MACROD2: variants seen among roughly 807,000 people sequenced by gnomAD.
The protein encoded by MACROD2 is mono-ADP ribosylhydrolase 2.
MACROD2 carries 36 observed loss-of-function variants against 70.4 expected under a neutral mutation model. The ratio of observed to expected loss-of-function variants is 0.51; its 90% CI spans 0.39 to 0.68. The LOEUF is 0.68. Among genes scored for constraint, MACROD2 ranks in the 30% least tolerant of loss-of-function variants. The pLI is 0.00. For missense variants in MACROD2, 496 were observed against 538.4 expected (o/e 0.92, Z 0.78); for synonymous variants, 172 against 178.8 (o/e 0.96, Z 0.30).
chr20:15,880,897 C>A (rs966569145), intron 9 of MACROD2, among the ~76,000 whole-genome samples: 9 of 152,058 alleles, frequency 5.9e-5, no homozygotes, highest in Non-Finnish European at 1.3e-4. Context: ...CTTTAACTCA[C>A]TCTTTAAGAC....
At position 15,704,762 on chromosome 20, in the gene MACROD2, A is replaced by T. The variant is rs1182534536; in HGVS notation, c.646-157983A>T. Among the ~76,000 whole-genome samples, 3 of 152,256 alleles carry T rather than the reference A, an allele frequency of 2.0e-5. No homozygotes were observed. In the East Asian group the frequency reaches 5.8e-4, roughly 29 times the overall value. Reference sequence around the variant, plus strand: ...GAGTTGAAAGTAGATGGAAAATAAAAGTAGTGAAGAGAATCATGGCTGTGT... The same window carrying T: ...GAGTTGAAAGTAGATGGAAAATAAATGTAGTGAAGAGAATCATGGCTGTGT... On this transcript the variant is annotated intron_variant, in intron 8 of 17. Transcript: ENST00000684519.
intron 8 of MACROD2, among the ~76,000 whole-genome samples, chr20:15,861,089 G>A (rs1305480241): frequency 5.9e-5 from 9 of 152,146 alleles, no homozygotes; most frequent in African/African-American, 2.2e-4. Flanking sequence ...GTTTGATTAT[G>A]TAAGAATCCA....
chr20:15,547,348 A>T (rs2048038320), intron 8 of MACROD2, among the ~76,000 whole-genome samples: 4 of 152,022 alleles, frequency 2.6e-5, no homozygotes, highest in Admixed American at 2.6e-4. Flanking sequence ...CTTTTGGCGC[A>T]CTCCAAATGT....
At chr20:15,290,882 C>T (rs530717538) in intron 6 of MACROD2, among the ~76,000 whole-genome samples, 40 of 152,210 alleles carry the variant, frequency 2.6e-4, no homozygotes, top group Non-Finnish European at 2.4e-4. Flanking sequence ...CTGGGGCAGA[C>T]GCTGAAGAAA....
chr20:14,531,571 A>T (rs1325170267), intron 4 of MACROD2, among the ~76,000 whole-genome samples: 1 of 152,172 alleles, frequency 6.6e-6, no homozygotes, highest in Non-Finnish European at 1.5e-5. Flanking sequence ...GTTTCAAGTC[A>T]CCAGTTGTGT....
chr20:15,822,796 G>T (rs904200569), intron 8 of MACROD2, among the ~76,000 whole-genome samples: 1 of 152,142 alleles, frequency 6.6e-6, no homozygotes, highest in Non-Finnish European at 1.5e-5. Context: ...TAGAGACTAG[G>T]AAAGGACAGC....
chr20:16,020,624 G>A (rs1043288472), intron 15 of MACROD2, among the ~76,000 whole-genome samples: 1 of 149,800 alleles, frequency 6.7e-6, no homozygotes, highest in Non-Finnish European at 1.5e-5. Flanking sequence ...GGTGCTTATC[G>A]ATGAGGACAT....
intron 5 of MACROD2, among the ~76,000 whole-genome samples, chr20:14,745,996 A>G (rs2071794942): frequency 6.6e-6 from 1 of 152,128 alleles, no homozygotes; most frequent in Admixed American, 6.5e-5. Context: ...ACTTGGCCAG[A>G]TAACCTCTGA....
chr20:15,964,413 G>A (rs1044839202), intron 12 of MACROD2, among the ~76,000 whole-genome samples: 5 of 152,026 alleles, frequency 3.3e-5, no homozygotes, highest in Admixed American at 2.0e-4. Context: ...AGGGTAAGGG[G>A]ACTCTCTGGG....
intron 3 of MACROD2, among the ~76,000 whole-genome samples, chr20:14,263,725 C>T (rs541162075): frequency 6.6e-6 from 1 of 152,006 alleles, no homozygotes; most frequent in East Asian, 1.9e-4. Flanking sequence ...CTTTGGGAGG[C>T]CAAGGTGAGT....
intron 3 of MACROD2, among the ~76,000 whole-genome samples, chr20:14,444,997 C>T (rs951578088): frequency 6.6e-6 from 1 of 152,056 alleles, no homozygotes; most frequent in Non-Finnish European, 1.5e-5. Flanking sequence ...TGTCTCCTTG[C>T]TTCTACTCTT....
rs371318303 is a variant in MACROD2, at chr20:14,992,831, G to T, written c.419-237109G>T. ...AAAATCAGATTTGAAAAGCCTTTTT[G>T]CCTATGATGTTTTAGAGATAATACT... is the stretch of plus-strand genomic sequence containing the variant. On this transcript the variant is annotated intron_variant, in intron 5 of 17. Transcript: ENST00000684519. Among the ~76,000 whole-genome samples the T allele has an allele frequency of 4.8e-4, 72 of 150,440 alleles. No individual in the cohort carries two copies. In the East Asian group the frequency reaches 6.6e-3, roughly 14 times the overall value.
At chr20:15,555,354 C>T (rs557120689) in intron 8 of MACROD2, among the ~76,000 whole-genome samples, 2 of 152,296 alleles carry the variant, frequency 1.3e-5, no homozygotes, top group East Asian at 3.9e-4. Flanking sequence ...TTGAACTTGA[C>T]ATTTTCACTT....
chr20:14,208,930 TG>T (rs1490966879), intron 3 of MACROD2, among the ~76,000 whole-genome samples: 1 of 152,184 alleles, frequency 6.6e-6, no homozygotes, highest in Admixed American at 6.5e-5. Flanking sequence ...GGGAGGGATA[TG>T]GCTCATTTTT....
intron 5 of MACROD2, among the ~76,000 whole-genome samples, chr20:14,906,881 G>T (rs542412996): frequency 1.3e-5 from 2 of 152,242 alleles, no homozygotes; most frequent in South Asian, 4.2e-4. Context: ...TTTTTGGGGT[G>T]CTGAGGTAAA....
chr20:15,318,985 A>C (rs1380148705), intron 6 of MACROD2, among the ~76,000 whole-genome samples: 1 of 152,190 alleles, frequency 6.6e-6, no homozygotes, highest in African/African-American at 2.4e-5. Flanking sequence ...AGAAAAAATA[A>C]GGAGCATTAA....
At chr20:16,035,765 G>A (rs1212798941) in intron 15 of MACROD2, among the ~76,000 whole-genome samples, 1 of 77,064 alleles carries the variant, frequency 1.3e-5, no homozygotes, top group African/African-American at 5.0e-5. Context: ...AACTAGTCTG[G>A]GCCAGGAAGT....
At chr20:15,222,767 G>C (rs897028650) in intron 5 of MACROD2, among the ~76,000 whole-genome samples, 3 of 152,174 alleles carry the variant, frequency 2.0e-5, no homozygotes, top group Non-Finnish European at 4.4e-5. Context: ...AAAATGATGA[G>C]AGCAACCTAT....
chr20:15,040,272 G>A (rs1033811395), intron 5 of MACROD2, among the ~76,000 whole-genome samples: 2 of 149,804 alleles, frequency 1.3e-5, no homozygotes, highest in Admixed American at 6.7e-5. Context: ...TCGAGATCGC[G>A]CCACTGCACT....
Sources: gnomAD v4.1 joint callset for allele counts (sites outside exome capture counted in the v4.1 genomes callset) on GRCh38, gnomAD v4.1.1 for gene constraint, MANE v1.5 for transcripts, NCBI Gene and HGNC (gene_info 2026-07-23, HGNC 2026-07-21) for gene names.